The following DMRT1 variants were observed in gnomAD, a reference collection of about 807,000 sequenced individuals.
The protein encoded by DMRT1 is doublesex- and mab-3-related transcription factor 1.
Under a neutral mutation model 32.3 loss-of-function variants are expected in DMRT1, and 7 were observed. That is an observed-to-expected ratio of 0.22 (90% CI 0.12 to 0.41). The LOEUF (loss-of-function observed/expected upper bound fraction) is 0.41, where lower values mean the gene tolerates loss of function less well. Among genes scored for constraint, DMRT1 ranks in the 10% least tolerant of loss-of-function variants. The pLI is 1.00. For synonymous variants in DMRT1, 278 were observed against 206.1 expected (o/e 1.35, Z -2.99); for missense variants, 625 against 500.5 (o/e 1.25, Z -2.37).
At chr9:936,474 G>A (rs1818888609) in intron 4 of DMRT1, among the ~76,000 whole-genome samples, 2 of 152,048 alleles carry the variant, frequency 1.3e-5, no homozygotes, top group Non-Finnish European at 2.9e-5. Context: ...TCTTCAGGCC[G>A]GGTGTGGTGG....
chr9:881,251 T>C (rs1378148601), intron 2 of DMRT1, among the ~76,000 whole-genome samples: 2 of 152,190 alleles, frequency 1.3e-5, no homozygotes, highest in African/African-American at 4.8e-5. Context: ...CAGGAAAATT[T>C]ACAAGACAAA....
intron 3 of DMRT1, among the ~76,000 whole-genome samples, chr9:906,480 G>A (rs543528466): frequency 6.6e-6 from 1 of 152,150 alleles, no homozygotes; most frequent in Admixed American, 6.5e-5. Context: ...TGCTGATAGG[G>A]CTATATCTCT....
In DMRT1 at chr9:928,832, ATTTATTTATTTATT is replaced by A. The variant is rs536742846; in HGVS notation, c.967+11941_967+11954del. On this transcript the variant is annotated intron_variant, in intron 4 of 4. Transcript: ENST00000382276. ...TATTTGTTTCTGAAATTTAAATTTT[ATTTATTTATTTATT>A]TTTATTTATTTATTTATTTATTTAT... Among the ~76,000 whole-genome samples, 8 of 150,088 alleles carry A rather than the reference ATTTATTTATTTATT, an allele frequency of 5.3e-5. No individual in the cohort carries two copies. The East Asian group carries it at 5.8e-4, about 11-fold the overall frequency.
intron 2 of DMRT1, among the ~76,000 whole-genome samples, chr9:866,439 G>C (rs1425084503): frequency 1.4e-5 from 2 of 139,256 alleles, no homozygotes; most frequent in South Asian, 2.1e-4. Flanking sequence ...GTGTCACACT[G>C]TGATCCATTG....
intron 4 of DMRT1, among the ~76,000 whole-genome samples, chr9:960,408 A>G (rs1245712489): frequency 1.3e-5 from 2 of 152,192 alleles, no homozygotes; most frequent in Non-Finnish European, 2.9e-5. Flanking sequence ...GAGTACAGAC[A>G]CTCACAATTC....
At chr9:852,147 C>T (rs199838502) in intron 2 of DMRT1, among the ~76,000 whole-genome samples, 8 of 151,768 alleles carry the variant, frequency 5.3e-5, no homozygotes, top group East Asian at 3.9e-4. Context: ...ATGTTGGCCA[C>T]GCTGGTCTTG....
intron 4 of DMRT1, among the ~76,000 whole-genome samples, chr9:946,957 G>A (rs918978767): frequency 6.6e-6 from 1 of 152,214 alleles, no homozygotes; most frequent in Admixed American, 6.5e-5. Context: ...CCAAAGAGCC[G>A]ATAATGTTAG....
chr9:945,471 T>C (rs1278752436), intron 4 of DMRT1, among the ~76,000 whole-genome samples: 1 of 152,182 alleles, frequency 6.6e-6, no homozygotes, highest in Non-Finnish European at 1.5e-5. Flanking sequence ...CTGTCTTTCA[T>C]AATAATTTCC....
intron 3 of DMRT1, among the ~76,000 whole-genome samples, chr9:912,936 C>A (rs551863498): frequency 6.6e-6 from 1 of 152,208 alleles, no homozygotes; most frequent in African/African-American, 2.4e-5. Context: ...GAGAAGGAAC[C>A]AGTGCCACTG....
At chr9:870,434 C>G (rs1194762246) in intron 2 of DMRT1, among the ~76,000 whole-genome samples, 2 of 141,812 alleles carry the variant, frequency 1.4e-5, no homozygotes, top group Non-Finnish European at 3.2e-5. Context: ...CAACATAGCT[C>G]TGGTCGCCAT....
At chr9:888,120 A>C (rs528065015) in intron 2 of DMRT1, among the ~76,000 whole-genome samples, 4 of 152,324 alleles carry the variant, frequency 2.6e-5, no homozygotes, top group African/African-American at 9.6e-5. Context: ...AATATTTGTC[A>C]ACTGGAATAA....
intron 2 of DMRT1, among the ~76,000 whole-genome samples, chr9:873,538 C>T: frequency 6.6e-6 from 1 of 151,738 alleles, no homozygotes; most frequent in East Asian, 1.9e-4. Flanking sequence ...AGGCTGGTCT[C>T]GAACTCCCGA....
chr9:932,163 T>C (rs1818746505), intron 4 of DMRT1, among the ~76,000 whole-genome samples: 1 of 152,208 alleles, frequency 6.6e-6, no homozygotes, highest in African/African-American at 2.4e-5. Flanking sequence ...TTTAACTCCC[T>C]AGAATTTCAT....
At chr9:936,987 G>A (rs1343957102) in intron 4 of DMRT1, among the ~76,000 whole-genome samples, 2 of 151,996 alleles carry the variant, frequency 1.3e-5, no homozygotes, top group African/African-American at 2.4e-5. Context: ...TACCTCTTAA[G>A]CAATAACTTC....
At chr9:899,573 C>T (rs1817494249) in intron 3 of DMRT1, among the ~76,000 whole-genome samples, 1 of 152,176 alleles carries the variant, frequency 6.6e-6, no homozygotes, top group South Asian at 2.1e-4. Context: ...GATTCCTGTC[C>T]TGTTGTGAAA....
intron 2 of DMRT1, among the ~76,000 whole-genome samples, chr9:856,504 G>A (rs983452253): frequency 6.6e-6 from 1 of 152,152 alleles, no homozygotes; most frequent in Non-Finnish European, 1.5e-5. Context: ...AACCTTTTGT[G>A]TCTTACTTCT....
rs181606916 is a variant in DMRT1 at position 851,008 on chromosome 9, G to A, written c.538+3865G>A. ...TGTGCCATTGCACTCCGGCCTGGGC[G>A]ACAGGGTGAGACTCTATCTCAAAAA... On this transcript the variant is annotated intron_variant, in intron 2 of 4. Transcript: ENST00000382276. Among the ~76,000 whole-genome samples, 595 of 132,812 alleles carry A rather than the reference G, an allele frequency of 4.5e-3. 5 individuals carry two copies. The highest frequency in any genetic ancestry group is 0.016 in the African/African-American group (564 of 35,294). 87.1% of individuals were successfully genotyped at this position (132,812 alleles called of 152,430 possible).
At chr9:863,297 G>A (rs1296775059) in intron 2 of DMRT1, among the ~76,000 whole-genome samples, 2 of 147,992 alleles carry the variant, frequency 1.4e-5, no homozygotes, top group African/African-American at 5.0e-5. Flanking sequence ...CAGCCTGGGT[G>A]ACAGAGTGAG....
At chr9:870,862 C>G (rs889874763) in intron 2 of DMRT1, among the ~76,000 whole-genome samples, 1 of 151,796 alleles carries the variant, frequency 6.6e-6, no homozygotes, top group African/African-American at 2.4e-5. Context: ...CAGGTGCACA[C>G]CGCCAAGTGT....
Sources: gnomAD v4.1 joint callset for allele counts (sites outside exome capture counted in the v4.1 genomes callset) on GRCh38, gnomAD v4.1.1 for gene constraint, MANE v1.5 for transcripts, NCBI Gene and HGNC (gene_info 2026-07-23, HGNC 2026-07-21) for gene names.